Variants in PSMD10 observed in about 807,000 individuals in gnomAD.
PSMD10 encodes the protein 26S proteasome non-ATPase regulatory subunit 10.
In PSMD10, 2 loss-of-function variants were observed where a neutral mutation model predicts 13.2. The observed-to-expected ratio is 0.15, with a 90% CI of 0.06 to 0.48. The LOEUF (loss-of-function observed/expected upper bound fraction) is 0.48, where lower values mean the gene tolerates loss of function less well. Among genes scored for constraint, PSMD10 ranks in the 20% least tolerant of loss-of-function variants. The pLI, the probability that PSMD10 is intolerant of heterozygous loss-of-function variation, is 0.97. For missense variants in PSMD10, 120 were observed against 167.4 expected (o/e 0.72, Z 1.56); for synonymous variants, 66 against 64.4 (o/e 1.03, Z -0.12).
intron 1 of PSMD10, among the ~76,000 whole-genome samples, chrX:108,090,950 TACC>T (rs200064525): frequency 0.054 from 6,047 of 112,731 alleles, 136 homozygotes; most frequent in East Asian, 0.1. Flanking sequence ...GCCGAGTATT[TACC>T]ACAATTTGTA....
intron 1 of PSMD10, 44 bp downstream of exon 1, chrX:108,091,363 T>C (rs767732426): frequency 8.6e-7 from 1 of 1,158,056 alleles, no homozygotes. Flanking sequence ...CACGTAGGGC[T>C]TCGCCGACGT....
rs1200737778 is a variant in PSMD10 at position 108,087,391 on chromosome X, G to A, written c.527+295C>T. 1.9e-5 allele frequency: 4 copies of A among 205,277 alleles called. No homozygotes were observed. The East Asian group carries it at 4.0e-4, about 21-fold the overall frequency. The allele number at this position is 205,277 out of a possible 1,213,427, so 16.9% of individuals were successfully genotyped here. A position where few individuals can be genotyped will look rare whatever the true frequency, so the allele number is the denominator to read the frequency against. Reference sequence around the variant, plus strand: ...TTATACTATGAGGTGAAAAGAACAAGAGCTAAAACTACATACACAGTATGA... The same window carrying A: ...TTATACTATGAGGTGAAAAGAACAAAAGCTAAAACTACATACACAGTATGA... On this transcript the variant is annotated intron_variant, in intron 4 of 4. Coordinates refer to ENST00000217958, the MANE Select transcript of PSMD10 (RefSeq NM_002814.4).
intron 2 of PSMD10, 93 bp from the exon 3 acceptor site, chrX:108,088,192 G>A: frequency 1.1e-6 from 1 of 915,940 alleles, no homozygotes; most frequent in Non-Finnish European, 1.5e-6. Context: ...GCTTTACAAA[G>A]GCAAAAAAAT....
intron 4 of PSMD10, 104 bp downstream of exon 4, chrX:108,087,582 C>T (rs747488537): frequency 6.4e-5 from 68 of 1,060,781 alleles, no homozygotes; most frequent in Non-Finnish European, 8.0e-5. Context: ...GCCATTAACA[C>T]GTATTGCATT....
intron 2 of PSMD10, 58 bp downstream of exon 2, chrX:108,088,694 A>C: frequency 1.0e-6 from 1 of 963,661 alleles, no homozygotes; most frequent in South Asian, 2.1e-5. Flanking sequence ...AGTAAACACC[A>C]GTCTGGAGTA....
intron 1 of PSMD10, among the ~76,000 whole-genome samples, chrX:108,089,548 C>A (rs1218848461): frequency 1.8e-5 from 2 of 112,237 alleles, no homozygotes; most frequent in Non-Finnish European, 3.8e-5. Context: ...AAATAATAAG[C>A]TATGGCCGGG....
Position 108,091,439 on chromosome X carries a change from C to T in PSMD10, c.82G>A (p.Ala28Thr). The change falls in exon 1 of 5, where the codon GCC becomes ACC. Residue 28 changes from alanine to threonine, a missense_variant. By Grantham distance (58) the Ala-to-Thr change is moderately conservative. Coordinates refer to ENST00000217958, the MANE Select transcript of PSMD10 (RefSeq NM_002814.4). ...KLEELKESILADKSLATRTDQ... is the reference protein window; with the variant it reads ...KLEELKESILTDKSLATRTDQ... ...GTTCTAGTAGCCAGGGATTTATCGG[C>T]CAGAATACTCTCCTTCAACTCTTCC... 3 of 1,212,264 alleles carry T rather than the reference C, an allele frequency of 2.5e-6. No individual in the cohort carries two copies. The highest frequency in any genetic ancestry group is 2.2e-6 in the Non-Finnish European group (2 of 895,475).
rs200546383 is a variant in PSMD10, at chrX:108,087,913, G to A, written c.360+40C>T. 65 of 1,210,155 alleles carry A rather than the reference G, an allele frequency of 5.4e-5. 1 individual carries two copies. The highest frequency in any genetic ancestry group is 1.4e-4 in the African/African-American group (8 of 57,341). ...GAAATCTATCTGTGTTTGTATACAC[G>A]TTTAGAACTCAACAGAAGTAGCCTA... On this transcript the variant is annotated intron_variant, in intron 3 of 4. Transcript: ENST00000217958.
rs1022108180 is a variant in PSMD10 at position 108,084,655 on chromosome X, A to C, written c.*319T>G. The C allele has an allele frequency of 6.4e-6, 1 of 155,241 alleles. No individual in the cohort carries two copies. Among genetic ancestry groups the C allele is most frequent in the African/African-American group, 3.0e-5 (1 of 32,954 alleles). The allele number at this position is 155,241 out of a possible 1,213,427, so 12.8% of individuals were successfully genotyped here. A position where few individuals can be genotyped will look rare whatever the true frequency, so the allele number is the denominator to read the frequency against. ...GTTGCTATTGGAGCTGTTCTGTTTC[A>C]GAGAGGGATATAAGGTACATGGGAG... is the stretch of plus-strand genomic sequence containing the variant. On this transcript the variant is annotated 3_prime_UTR_variant, in exon 5 of 5. Coordinates refer to ENST00000217958, the MANE Select transcript of PSMD10 (RefSeq NM_002814.4).
At chrX:108,086,308 C>T (rs1221328642) in intron 4 of PSMD10, among the ~76,000 whole-genome samples, 1 of 111,716 alleles carries the variant, frequency 9.0e-6, no homozygotes, top group African/African-American at 3.3e-5. Flanking sequence ...ATAACACTAA[C>T]CCTCAATCAA....
intron 3 of PSMD10, 40 bp downstream of exon 3, chrX:108,087,913 G>C: frequency 4.1e-6 from 5 of 1,211,677 alleles, no homozygotes; most frequent in Middle Eastern, 2.3e-4. Context: ...TTGTATACAC[G>C]TTTAGAACTC....
At position 108,088,661 on chromosome X, in the gene PSMD10, T is replaced by C. The variant is rs139326722; in HGVS notation, c.213+91A>G. 1.3e-5 allele frequency: 9 copies of C among 705,806 alleles called. No individual in the cohort carries two copies. The East Asian group carries it at 2.3e-4, about 18-fold the overall frequency. 58.2% of individuals were successfully genotyped at this position (705,806 alleles called of 1,213,427 possible). Reference sequence around the variant, plus strand: ...CAGTCATAAAGGTTACAATTTTCTTTATAAGCTTAATGCACAGGCTTCAGT... The same window carrying C: ...CAGTCATAAAGGTTACAATTTTCTTCATAAGCTTAATGCACAGGCTTCAGT... On this transcript the variant is annotated intron_variant, in intron 2 of 4. Coordinates refer to ENST00000217958, the MANE Select transcript of PSMD10 (RefSeq NM_002814.4).
chrX:108,088,111 G>A lies in PSMD10; in HGVS notation c.214-12C>T, dbSNP rs2031520447. The A allele has an allele frequency of 8.4e-7, 1 of 1,189,411 alleles. No individual in the cohort carries two copies. Among genetic ancestry groups the A allele is most frequent in the Non-Finnish European group, 1.1e-6 (1 of 880,906 alleles). ...GGAGACCAACCTGCCTATAAAAGAA[G>A]TAGGTAGTAGAAATACCAGGGGAAA... On this transcript the variant is annotated splice_polypyrimidine_tract_variant and intron_variant, in intron 2 of 4. Transcript: ENST00000217958.
At position 108,087,759 on chromosome X, in the gene PSMD10, A is replaced by G; in HGVS notation, c.454T>C (p.Leu152=). 1 of 1,211,998 alleles carries G rather than the reference A, an allele frequency of 8.3e-7. No homozygotes were observed. Among genetic ancestry groups the G allele is most frequent in the Non-Finnish European group, 1.1e-6 (1 of 895,592 alleles). Residue 152 remains leucine (L), a synonymous_variant, in exon 4 of 5, where the codon TTG becomes CTG. Coordinates refer to ENST00000217958, the MANE Select transcript of PSMD10 (RefSeq NM_002814.4). ...AMHRAAAKGN[L]KMIHILLYYK... ...TACAGAAGGATATGAATCATCTTCA[A>G]GTTACCCTTGGCTGCTGCCCGGTGC...
At chrX:108,088,194 C>CA in intron 2 of PSMD10, 95 bp from the exon 3 acceptor site, 1 of 901,558 alleles carries the variant, frequency 1.1e-6, no homozygotes, top group Non-Finnish European at 1.5e-6. Flanking sequence ...TTTACAAAGG[C>CA]AAAAAAATAT....
chrX:108,091,373 T>G (rs1569296654), intron 1 of PSMD10, 34 bp downstream of exon 1: 1 of 1,182,212 alleles, frequency 8.5e-7, no homozygotes, highest in South Asian at 1.8e-5. Flanking sequence ...TTCGCCGACG[T>G]CGCCGACTGC....
chrX:108,090,176 A>T (rs1027684722), intron 1 of PSMD10, among the ~76,000 whole-genome samples: 1 of 112,254 alleles, frequency 8.9e-6, no homozygotes, highest in African/African-American at 3.2e-5. Flanking sequence ...TATAACTATG[A>T]GACCATTATT....
intron 1 of PSMD10, among the ~76,000 whole-genome samples, chrX:108,089,795 T>C (rs945964291): frequency 1.8e-5 from 2 of 111,219 alleles, no homozygotes; most frequent in African/African-American, 6.5e-5. Context: ...ACGGCACCAC[T>C]GCACTCCAGC....
In PSMD10 at chrX:108,088,070, A is replaced by G; in HGVS notation, c.243T>C (p.Ala81=). 8.3e-7 allele frequency: 1 copy of G among 1,209,430 alleles called. No individual in the cohort carries two copies. The highest frequency in any genetic ancestry group is 1.8e-5 in the South Asian group (1 of 56,821). ...TTACAATCTCATCCCGGCCAGCAGA[A>G]GCCGCAATATGAAGAGGAGACCAAC... ...DAGWSPLHIA[A]SAGRDEIVKA... The change falls in exon 3 of 5, where the codon GCT becomes GCC. Residue 81 remains alanine (A), a synonymous_variant. Coordinates refer to ENST00000217958, the MANE Select transcript of PSMD10 (RefSeq NM_002814.4).
Sources: allele counts gnomAD v4.1 joint callset (sites outside exome capture counted in the v4.1 genomes callset), GRCh38; gene constraint gnomAD v4.1.1; transcripts MANE v1.5; gene names NCBI Gene and HGNC (gene_info 2026-07-23, HGNC 2026-07-21).